GLRA3: variants seen among roughly 807,000 people sequenced by gnomAD.
GLRA3 encodes the protein glycine receptor subunit alpha-3.
Under a neutral mutation model 60.4 loss-of-function variants are expected in GLRA3, and 44 were observed. The ratio of observed to expected loss-of-function variants is 0.73; its 90% confidence interval spans 0.57 to 0.94. The LOEUF (loss-of-function observed/expected upper bound fraction) is 0.94, where lower values mean the gene tolerates loss of function less well. Ranked by LOEUF, GLRA3 falls within the 40% of genes least tolerant of loss-of-function variation. The pLI is 0.00. For missense variants in GLRA3, 508 were observed against 564.6 expected, an observed-to-expected ratio of 0.90 and a Z score of 1.02; for synonymous variants, 223 against 192.9, an observed-to-expected ratio of 1.16 and a Z score of -1.29.
intron 2 of GLRA3, among the ~76,000 whole-genome samples, chr4:174,784,620 C>A (rs1016390288): frequency 1.3e-5 from 2 of 151,970 alleles, no homozygotes; most frequent in Non-Finnish European, 2.9e-5. Flanking sequence ...TCCTTAAGAC[C>A]AAATTTTTGA....
intron 5 of GLRA3, among the ~76,000 whole-genome samples, chr4:174,706,636 G>C (rs1735530975): frequency 6.6e-6 from 1 of 152,188 alleles, no homozygotes; most frequent in Admixed American, 6.5e-5. Context: ...GAAAGAAATA[G>C]GAACCCTGCT....
chr4:174,677,033 A>C, intron 7 of GLRA3, 45 bp downstream of exon 7: 1 of 1,151,956 alleles, frequency 8.7e-7, no homozygotes, highest in Non-Finnish European at 1.3e-6. Context: ...TGCAAGATTT[A>C]TAAGTGTGTG....
At chr4:174,664,038 A>G (rs1267105133) in intron 7 of GLRA3, among the ~76,000 whole-genome samples, 1 of 152,152 alleles carries the variant, frequency 6.6e-6, no homozygotes, top group Non-Finnish European at 1.5e-5. Flanking sequence ...ACCACTCCCA[A>G]GCCATCCTGC....
chr4:174,718,272 C>T (rs1342891033), intron 4 of GLRA3, among the ~76,000 whole-genome samples: 1 of 152,130 alleles, frequency 6.6e-6, no homozygotes, highest in African/African-American at 2.4e-5. Flanking sequence ...CATGTCTTGA[C>T]CACATCAAAA....
rs1474332402 is a variant in GLRA3, at chr4:174,641,996, T to C, written c.*1790A>G. The C allele has an allele frequency of 5.1e-6, 1 of 195,272 alleles. No homozygotes were observed. The highest frequency in any genetic ancestry group is 9.3e-6 in the Non-Finnish European group (1 of 107,698). 12.1% of individuals were successfully genotyped at this position (195,272 alleles called of 1,614,324 possible). ...ATATGTTTAATTTTCAGGTGCACAG[T>C]CCTCAACGTGGGTACTTACAGAGTA... is the stretch of plus-strand genomic sequence containing the variant. On this transcript the variant is annotated 3_prime_UTR_variant, in exon 10 of 10. Coordinates refer to ENST00000274093, the MANE Select transcript of GLRA3 (RefSeq NM_006529.4).
intron 2 of GLRA3, among the ~76,000 whole-genome samples, chr4:174,775,803 G>A (rs1331519858): frequency 2.0e-5 from 3 of 151,994 alleles, no homozygotes; most frequent in Non-Finnish European, 2.9e-5. Context: ...AGAATTGAAC[G>A]TCATTTTCTT....
chr4:174,785,936 G>GTTTTTTTT (rs752488665), intron 2 of GLRA3, among the ~76,000 whole-genome samples: 1 of 103,478 alleles, frequency 9.7e-6, no homozygotes, highest in Non-Finnish European at 1.9e-5. Flanking sequence ...TGCCTGGCTA[G>GTTTTTTTT]TTTTTTTTTT....
chr4:174,716,840 T>C (rs1267753726), intron 4 of GLRA3, among the ~76,000 whole-genome samples: 2 of 152,122 alleles, frequency 1.3e-5, no homozygotes, highest in East Asian at 3.9e-4. Flanking sequence ...ACTCCTAGAC[T>C]CCTTCATTTA....
chr4:174,736,393 C>T lies in GLRA3; in HGVS notation c.268-7695G>A, dbSNP rs367895793. Reference sequence around the variant, plus strand: ...AGTATTATGCAGTATTACAGTATTACGCAGCCATCACCACCACCACCTAGT... The same window carrying T: ...AGTATTATGCAGTATTACAGTATTATGCAGCCATCACCACCACCACCTAGT... On this transcript the variant is annotated intron_variant, in intron 3 of 9. Transcript: ENST00000274093. Among the ~76,000 whole-genome samples, 155 of 152,066 alleles carry T rather than the reference C, an allele frequency of 1.0e-3. 1 individual carries two copies. Among genetic ancestry groups the T allele is most frequent in the African/African-American group, 3.4e-3 (142 of 41,478 alleles).
chr4:174,644,608 C>A (rs2110839986), intron 9 of GLRA3, among the ~76,000 whole-genome samples: 1 of 152,172 alleles, frequency 6.6e-6, no homozygotes, highest in African/African-American at 2.4e-5. Context: ...TGCTACTTTT[C>A]TGTTTTACAC....
chr4:174,746,278 GT>G (rs1449247935), intron 3 of GLRA3, among the ~76,000 whole-genome samples: 2 of 152,120 alleles, frequency 1.3e-5, no homozygotes, highest in East Asian at 3.9e-4. Context: ...TAAAGAAAAT[GT>G]GTCATATATA....
chr4:174,734,003 T>C (rs1579524147), intron 3 of GLRA3, among the ~76,000 whole-genome samples: 1 of 151,872 alleles, frequency 6.6e-6, no homozygotes, highest in East Asian at 1.9e-4. Context: ...AAGACATCTC[T>C]AAAACAATAG....
At chr4:174,765,490 T>C (rs1738105339) in intron 3 of GLRA3, among the ~76,000 whole-genome samples, 1 of 152,024 alleles carries the variant, frequency 6.6e-6, no homozygotes, top group South Asian at 2.1e-4. Flanking sequence ...TTTTTAGGAT[T>C]ACACATGTAT....
chr4:174,740,459 C>T (rs1579534056), intron 3 of GLRA3, among the ~76,000 whole-genome samples: 1 of 152,170 alleles, frequency 6.6e-6, no homozygotes, highest in East Asian at 1.9e-4. Flanking sequence ...TGAATGAAAC[C>T]ATTTTGAATG....
chr4:174,642,198 T>G lies in GLRA3; in HGVS notation c.*1588A>C, dbSNP rs918298728. 1 of 856,176 alleles carries G rather than the reference T, an allele frequency of 1.2e-6. No individual in the cohort carries two copies. Among genetic ancestry groups the G allele is most frequent in the Non-Finnish European group, 1.4e-6 (1 of 711,828 alleles). The allele number at this position is 856,176 out of a possible 1,614,324, so 53.0% of individuals were successfully genotyped here. The stretch of plus-strand genomic sequence containing the variant: ...AAAAAATTACAATTGTATAAGCTGA[T>G]GTACAATAACATTGTAAAGGTTTTA... On this transcript the variant is annotated 3_prime_UTR_variant, in exon 10 of 10. Coordinates refer to ENST00000274093, the MANE Select transcript of GLRA3 (RefSeq NM_006529.4).
intron 4 of GLRA3, among the ~76,000 whole-genome samples, chr4:174,726,668 T>C: frequency 6.6e-6 from 1 of 152,128 alleles, no homozygotes; most frequent in South Asian, 2.1e-4. Flanking sequence ...GTTCCTCAGG[T>C]TCCAAGGTAC....
chr4:174,678,678 A>G (rs577381815), intron 6 of GLRA3, among the ~76,000 whole-genome samples: 3 of 152,334 alleles, frequency 2.0e-5, no homozygotes, highest in Admixed American at 6.5e-5. Context: ...GTGAATAGCA[A>G]TCAGAAACAT....
intron 4 of GLRA3, chr4:174,723,045 G>A (rs970960552): frequency 2.4e-5 from 4 of 167,040 alleles, no homozygotes; most frequent in African/African-American, 9.7e-5. Context: ...AATATTAGAA[G>A]AAATGTGAGC....
At chr4:174,786,121 G>T (rs1050785347) in intron 2 of GLRA3, among the ~76,000 whole-genome samples, 4 of 151,504 alleles carry the variant, frequency 2.6e-5, no homozygotes, top group Non-Finnish European at 4.4e-5. Context: ...ATATATTACT[G>T]ATATTCATGT....
Sources: gnomAD v4.1 joint callset for allele counts (sites outside exome capture counted in the v4.1 genomes callset) on GRCh38, gnomAD v4.1.1 for gene constraint, MANE v1.5 for transcripts, NCBI Gene and HGNC (gene_info 2026-07-23, HGNC 2026-07-21) for gene names.